The following FBXO4 variants were observed in gnomAD, a reference collection of about 807,000 sequenced individuals.
The protein encoded by FBXO4 is F-box only protein 4.
A neutral mutation model predicts 43.7 loss-of-function variants in FBXO4; 36 were observed. The observed-to-expected ratio is 0.82, with a 90% CI of 0.63 to 1.09. The LOEUF (loss-of-function observed/expected upper bound fraction) is 1.09. Ranked by LOEUF, FBXO4 falls within the 50% of genes least tolerant of loss-of-function variation. FBXO4 has a pLI of 0.00. For synonymous variants in FBXO4, 180 were observed against 165.6 expected (o/e 1.09, Z -0.67); for missense variants, 435 against 474.1 (o/e 0.92, Z 0.77).
At chr5:41,981,526 T>C in the FBXO4 span, among the ~76,000 whole-genome samples, 24 of 151,968 alleles carry the variant, frequency 1.6e-4, no homozygotes, top group Admixed American at 6.6e-5. Context: ...GCATACTTTG[T>C]ATTATTTCTA....
chr5:41,943,675 C>T (rs1206328737), downstream of FBXO4, among the ~76,000 whole-genome samples: 2 of 152,052 alleles, frequency 1.3e-5, no homozygotes, highest in African/African-American at 4.8e-5. Flanking sequence ...AACTCTATCG[C>T]CACTATTGAA....
chr5:42,033,292 A>G, the FBXO4 span, among the ~76,000 whole-genome samples: 1 of 152,132 alleles, frequency 6.6e-6, no homozygotes, highest in Non-Finnish European at 1.5e-5. Flanking sequence ...CAACACTAGG[A>G]GTCACCTAAG....
chr5:41,929,927 A>C lies in FBXO4; in HGVS notation c.646+10A>C. ...CAGAGGCAGATTGATGGTAATTTTCATGTTAATCTACAGTTAATTCAAACA... is the reference window on the plus strand; with the variant it reads ...CAGAGGCAGATTGATGGTAATTTTCCTGTTAATCTACAGTTAATTCAAACA... On this transcript the variant is annotated intron_variant, in intron 3 of 6. Transcript: ENST00000281623. 6.3e-7 allele frequency: 1 copy of C among 1,580,776 alleles called. No homozygotes were observed. The highest frequency in any genetic ancestry group is 8.6e-7 in the Non-Finnish European group (1 of 1,156,538).
At chr5:41,998,995 A>ATTACG in the FBXO4 span, among the ~76,000 whole-genome samples, 2 of 151,852 alleles carry the variant, frequency 1.3e-5, no homozygotes, top group African/African-American at 2.4e-5. Context: ...AACCAGCTTC[A>ATTACG]TTACGTTCCT....
the FBXO4 span, among the ~76,000 whole-genome samples, chr5:41,989,382 A>G: frequency 6.6e-6 from 1 of 152,176 alleles, no homozygotes; most frequent in South Asian, 2.1e-4. Context: ...AACTTAGCAT[A>G]GAACTTGGCA....
chr5:41,964,863 G>C, the FBXO4 span, among the ~76,000 whole-genome samples: 4 of 151,938 alleles, frequency 2.6e-5, no homozygotes, highest in African/African-American at 7.3e-5. Flanking sequence ...AGTTTCTTTT[G>C]CTGTGCAGAA....
chr5:41,951,154 A>G, the FBXO4 span, among the ~76,000 whole-genome samples: 21 of 152,238 alleles, frequency 1.4e-4, no homozygotes, highest in Non-Finnish European at 2.5e-4. Context: ...TGGCAAGTGT[A>G]TACCTATGTA....
chr5:42,005,327 C>T, the FBXO4 span, among the ~76,000 whole-genome samples: 4 of 152,132 alleles, frequency 2.6e-5, no homozygotes, highest in South Asian at 2.1e-4. Flanking sequence ...GATGGCTATA[C>T]GTGCACAGTT....
At chr5:41,999,521 A>ATG in the FBXO4 span, among the ~76,000 whole-genome samples, 929 of 116,004 alleles carry the variant, frequency 8.0e-3, 24 homozygotes, top group African/African-American at 0.037. Flanking sequence ...ATATATATAT[A>ATG]TACATATATA....
chr5:41,957,814 T>C, the FBXO4 span, among the ~76,000 whole-genome samples: 1 of 152,122 alleles, frequency 6.6e-6, no homozygotes, highest in African/African-American at 2.4e-5. Flanking sequence ...GGAAATTTGA[T>C]ATTATATATA....
At chr5:42,036,562 A>G in the FBXO4 span, among the ~76,000 whole-genome samples, 1 of 152,076 alleles carries the variant, frequency 6.6e-6, no homozygotes, top group South Asian at 2.1e-4. Flanking sequence ...GTGAAATTCA[A>G]ATATTTACCA....
At chr5:41,972,146 A>G in the FBXO4 span, among the ~76,000 whole-genome samples, 2 of 152,166 alleles carry the variant, frequency 1.3e-5, no homozygotes, top group Non-Finnish European at 2.9e-5. Context: ...AGGAGGTAAA[A>G]TTATTTCCCT....
At chr5:41,980,780 T>G in the FBXO4 span, among the ~76,000 whole-genome samples, 1 of 152,088 alleles carries the variant, frequency 6.6e-6, no homozygotes, top group Non-Finnish European at 1.5e-5. Context: ...TGTATTTTTT[T>G]TTTGTTTCTT....
downstream of FBXO4, among the ~76,000 whole-genome samples, chr5:41,944,501 A>G (rs918024085): frequency 6.6e-6 from 1 of 152,216 alleles, no homozygotes; most frequent in Non-Finnish European, 1.5e-5. Context: ...AGTGTTTGTG[A>G]AATTATGATT....
At chr5:42,005,491 A>G in the FBXO4 span, among the ~76,000 whole-genome samples, 1 of 152,158 alleles carries the variant, frequency 6.6e-6, no homozygotes, top group East Asian at 1.9e-4. Flanking sequence ...TCCTTTCTCC[A>G]CAAGTTCCTA....
downstream of FBXO4, among the ~76,000 whole-genome samples, chr5:41,942,872 A>G (rs902721252): frequency 6.6e-6 from 1 of 152,146 alleles, no homozygotes; most frequent in Non-Finnish European, 1.5e-5. Flanking sequence ...TTTTCTCCAT[A>G]TAATTATGGG....
the FBXO4 span, among the ~76,000 whole-genome samples, chr5:41,968,591 T>G: frequency 3.3e-5 from 5 of 152,340 alleles, no homozygotes; most frequent in African/African-American, 7.2e-5. Context: ...CTTTTTTGCC[T>G]TTGTGTCCCA....
At chr5:42,030,213 A>T in the FBXO4 span, among the ~76,000 whole-genome samples, 1 of 152,134 alleles carries the variant, frequency 6.6e-6, no homozygotes, top group Non-Finnish European at 1.5e-5. Flanking sequence ...ACTATACTAC[A>T]AGGCTACAGT....
chr5:41,984,435 T>A, the FBXO4 span, among the ~76,000 whole-genome samples: 4 of 151,960 alleles, frequency 2.6e-5, no homozygotes, highest in Admixed American at 2.6e-4. Context: ...TCAGCTAGGG[T>A]TGTAGTTATT....
Sources: gnomAD v4.1 joint callset for allele counts (sites outside exome capture counted in the v4.1 genomes callset) on GRCh38, gnomAD v4.1.1 for gene constraint, MANE v1.5 for transcripts, NCBI Gene and HGNC (gene_info 2026-07-23, HGNC 2026-07-21) for gene names.